Variants in CCBE1 observed in about 807,000 individuals in gnomAD.
CCBE1 encodes the protein collagen and calcium-binding EGF domain-containing protein 1.
Under a neutral mutation model 50.0 loss-of-function variants are expected in CCBE1, and 37 were observed. The observed-to-expected ratio is 0.74, with a 90% CI of 0.57 to 0.97. CCBE1 has a LOEUF of 0.97. CCBE1 is among the 50% of genes least tolerant of loss of function. The pLI, the probability that CCBE1 is intolerant of heterozygous loss-of-function variation, is 0.00. For missense variants in CCBE1, 538 were observed against 523.8 expected (o/e 1.03, Z -0.26); for synonymous variants, 234 against 203.7 (o/e 1.15, Z -1.27).
intron 2 of CCBE1, among the ~76,000 whole-genome samples, chr18:59,665,805 C>T (rs182534484): frequency 6.6e-5 from 10 of 152,280 alleles, no homozygotes; most frequent in South Asian, 4.1e-4. Flanking sequence ...GGGTCTAGTG[C>T]GTCTGTGTTT....
intron 2 of CCBE1, among the ~76,000 whole-genome samples, chr18:59,571,806 T>TA (rs550542018): frequency 8.5e-4 from 130 of 152,352 alleles, no homozygotes; most frequent in Middle Eastern, 3.4e-3. Context: ...GTATGATCCT[T>TA]ACTTTGGAAT....
At chr18:59,448,144 A>C (rs2143650202) in intron 6 of CCBE1, 41 bp from the exon 7 acceptor site, 1 of 1,612,548 alleles carries the variant, frequency 6.2e-7, no homozygotes, top group East Asian at 2.2e-5. Flanking sequence ...AAGCAATGGC[A>C]GAAGAGAGCC....
intron 2 of CCBE1, chr18:59,563,826 C>T (rs1024215296): frequency 9.9e-5 from 15 of 152,090 alleles, no homozygotes; most frequent in African/African-American, 3.1e-4. Flanking sequence ...ATTGGTACCT[C>T]GATGTTTAGA....
intron 7 of CCBE1, among the ~76,000 whole-genome samples, chr18:59,440,031 T>G (rs1910349992): frequency 6.6e-6 from 1 of 152,198 alleles, no homozygotes; most frequent in Non-Finnish European, 1.5e-5. Flanking sequence ...CTGCCAGTCA[T>G]ACATCCACTC....
Position 59,592,253 on chromosome 18 carries a change from G to T in CCBE1, c.212+104376C>A, listed in dbSNP as rs75644654. ...GCGTCTCGAAAAAACAAAATAAATA[G>T]TTATTTTCAGGCTATGTGTATAAGG... is the stretch of plus-strand genomic sequence containing the variant. On this transcript the variant is annotated intron_variant, in intron 2 of 10. Coordinates refer to ENST00000439986, the MANE Select transcript of CCBE1 (RefSeq NM_133459.4). 7.3e-3 allele frequency among the ~76,000 whole-genome samples: 1,106 copies of T among 152,166 alleles called. 15 individuals are homozygous for T. The highest frequency in any genetic ancestry group is 0.025 in the African/African-American group (1,054 of 41,496).
rs1909928022 is a variant in CCBE1, at chr18:59,430,959, T to C, written c.*4949A>G. The C allele has an allele frequency of 6.6e-6, 1 of 152,248 alleles. No homozygotes were observed. The highest frequency in any genetic ancestry group is 1.5e-5 in the Non-Finnish European group (1 of 68,046). The allele number at this position is 152,248 out of a possible 1,614,324, so 9.4% of individuals were successfully genotyped here. The stretch of plus-strand genomic sequence containing the variant: ...CAATGTAAGAAAAATAACTTTGTTA[T>C]TAAGCATATACAATCATAACAAAAG... On this transcript the variant is annotated 3_prime_UTR_variant, in exon 11 of 11. Coordinates refer to ENST00000439986, the MANE Select transcript of CCBE1 (RefSeq NM_133459.4).
chr18:59,536,611 C>T (rs553957581), intron 2 of CCBE1, among the ~76,000 whole-genome samples: 1 of 152,218 alleles, frequency 6.6e-6, no homozygotes, highest in South Asian at 2.1e-4. Flanking sequence ...GTGTACATGA[C>T]AAATAAGAAC....
At chr18:59,497,755 C>T (rs1913422685) in intron 2 of CCBE1, among the ~76,000 whole-genome samples, 1 of 152,172 alleles carries the variant, frequency 6.6e-6, no homozygotes, top group Admixed American at 6.5e-5. Flanking sequence ...GAAAACTGCC[C>T]AGCCCGCAGT....
At chr18:59,645,753 T>C (rs557295719) in intron 2 of CCBE1, among the ~76,000 whole-genome samples, 51 of 152,258 alleles carry the variant, frequency 3.3e-4, no homozygotes, top group East Asian at 1.5e-3. Flanking sequence ...AAAGACAGGC[T>C]GGGCGCGGTG....
chr18:59,628,024 G>A (rs1354601501), intron 2 of CCBE1, among the ~76,000 whole-genome samples: 1 of 152,092 alleles, frequency 6.6e-6, no homozygotes, highest in Non-Finnish European at 1.5e-5. Context: ...ACCAGCCTGG[G>A]CAACATAACG....
chr18:59,650,187 CAT>C (rs996671519), intron 2 of CCBE1, among the ~76,000 whole-genome samples: 4 of 151,932 alleles, frequency 2.6e-5, no homozygotes, highest in Non-Finnish European at 5.9e-5. Context: ...TTCTCAGAAT[CAT>C]AAGAGGGAAC....
intron 2 of CCBE1, among the ~76,000 whole-genome samples, chr18:59,601,010 G>GGTTTTTTTTTTTTTT (rs1555697206): frequency 1.7e-5 from 1 of 58,004 alleles, no homozygotes; most frequent in African/African-American, 5.4e-5. Context: ...CTATGTGTCA[G>GGTTTTTTTTTTTTTT]TTTTTTTTTT....
At chr18:59,562,194 C>G (rs980720244) in intron 2 of CCBE1, among the ~76,000 whole-genome samples, 5 of 141,436 alleles carry the variant, frequency 3.5e-5, no homozygotes, top group Non-Finnish European at 7.4e-5. Context: ...TTAGTATGGT[C>G]TTTCATGCAT....
intron 2 of CCBE1, among the ~76,000 whole-genome samples, chr18:59,520,614 C>A (rs7236862): frequency 5.3e-5 from 8 of 151,992 alleles, no homozygotes; most frequent in African/African-American, 1.9e-4. Flanking sequence ...TCATGTGCGC[C>A]TGCACACACA....
intron 2 of CCBE1, among the ~76,000 whole-genome samples, chr18:59,567,744 C>A (rs961153504): frequency 1.4e-4 from 22 of 152,278 alleles, no homozygotes; most frequent in African/African-American, 5.3e-4. Context: ...AACTACGTGA[C>A]TTTGCTCACT....
chr18:59,569,710 C>T (rs192895066), intron 2 of CCBE1, among the ~76,000 whole-genome samples: 1 of 152,278 alleles, frequency 6.6e-6, no homozygotes, highest in East Asian at 1.9e-4. Flanking sequence ...TCATAGCCTA[C>T]TGCAGCTTCA....
chr18:59,663,519 C>T (rs2054313947), intron 2 of CCBE1, among the ~76,000 whole-genome samples: 1 of 151,990 alleles, frequency 6.6e-6, no homozygotes. Flanking sequence ...GAGGCTGGGC[C>T]TTGAGAGCAA....
In CCBE1 at chr18:59,602,327, A is replaced by AG. The variant is rs1426066909; in HGVS notation, c.212+94301dup. Among the ~76,000 whole-genome samples, 3 of 152,258 alleles carry AG rather than the reference A, an allele frequency of 2.0e-5. No individual in the cohort carries two copies. In the East Asian group the frequency reaches 5.8e-4, roughly 30 times the overall value. ...CCTTTCAACAACCATATCAGAAGAG[A>AG]GATCATGAAGTTATACACACTATTA... On this transcript the variant is annotated intron_variant, in intron 2 of 10. Coordinates refer to ENST00000439986, the MANE Select transcript of CCBE1 (RefSeq NM_133459.4).
At chr18:59,474,199 G>A (rs1912200612) in intron 3 of CCBE1, among the ~76,000 whole-genome samples, 1 of 152,178 alleles carries the variant, frequency 6.6e-6, no homozygotes, top group Non-Finnish European at 1.5e-5. Context: ...GATGAACATA[G>A]AAATACATGT....
Sources: gnomAD v4.1 joint callset for allele counts (sites outside exome capture counted in the v4.1 genomes callset) on GRCh38, gnomAD v4.1.1 for gene constraint, MANE v1.5 for transcripts, NCBI Gene and HGNC (gene_info 2026-07-23, HGNC 2026-07-21) for gene names.